The following KPNA1 variants were observed in gnomAD, a reference collection of about 807,000 sequenced individuals.
The protein encoded by KPNA1 is karyopherin subunit alpha 1.
Under a neutral mutation model 70.5 loss-of-function variants are expected in KPNA1, and 10 were observed. The ratio of observed to expected loss-of-function variants is 0.14; its 90% CI spans 0.09 to 0.24. KPNA1 has a LOEUF of 0.24. Ranked by LOEUF, KPNA1 falls within the 10% of genes least tolerant of loss-of-function variation. The pLI is 1.00. For synonymous variants in KPNA1, 192 were observed against 221.9 expected, an observed-to-expected ratio of 0.87 and a Z score of 1.20; for missense variants, 397 against 637.9, an observed-to-expected ratio of 0.62 and a Z score of 4.07.
intron 2 of KPNA1, among the ~76,000 whole-genome samples, chr3:122,474,045 T>C (rs2076471638): frequency 6.6e-6 from 1 of 152,178 alleles, no homozygotes; most frequent in Non-Finnish European, 1.5e-5. Flanking sequence ...TTCAACTGCT[T>C]TCCTATACAC....
intron 9 of KPNA1, among the ~76,000 whole-genome samples, chr3:122,447,099 G>A (rs2076148451): frequency 6.6e-6 from 1 of 152,178 alleles, no homozygotes; most frequent in African/African-American, 2.4e-5. Context: ...GTACAAAGAG[G>A]AGCTGGTACC....
chr3:122,504,153 C>A (rs2076861739), intron 1 of KPNA1, among the ~76,000 whole-genome samples: 1 of 152,162 alleles, frequency 6.6e-6, no homozygotes, highest in Non-Finnish European at 1.5e-5. Context: ...TTAGCTTGAT[C>A]AGGCTACTGT....
In KPNA1 at chr3:122,513,205, T is replaced by C. The variant is rs577698975; in HGVS notation, c.-6+1552A>G. Among the ~76,000 whole-genome samples the C allele has an allele frequency of 3.8e-3, 581 of 152,362 alleles. 4 individuals are homozygous for C. The highest frequency in any genetic ancestry group is 6.3e-3 in the Non-Finnish European group (426 of 68,036). On this transcript the variant is annotated intron_variant, in intron 1 of 13. Coordinates refer to ENST00000344337, the MANE Select transcript of KPNA1 (RefSeq NM_002264.4). The stretch of plus-strand genomic sequence containing the variant: ...CTTAGGTAAGTTACTTAACATTTGA[T>C]TGTCAATGCTTTCATCTGTAAAATA...
intron 1 of KPNA1, among the ~76,000 whole-genome samples, chr3:122,499,773 A>AG (rs892719541): frequency 6.6e-6 from 1 of 151,996 alleles, no homozygotes; most frequent in African/African-American, 2.4e-5. Flanking sequence ...AAAAAAAAAA[A>AG]AAAAGAGACG....
intron 1 of KPNA1, among the ~76,000 whole-genome samples, chr3:122,502,412 AGAGAC>A (rs1251081075): frequency 6.6e-6 from 1 of 151,932 alleles, no homozygotes; most frequent in Non-Finnish European, 1.5e-5. Flanking sequence ...ATGAGACACT[AGAGAC>A]TTCTCTGAGA....
chr3:122,473,956 CA>C (rs2076470479), intron 2 of KPNA1, among the ~76,000 whole-genome samples: 1 of 151,890 alleles, frequency 6.6e-6, no homozygotes, highest in Non-Finnish European at 1.5e-5. Context: ...ATGGAGAATT[CA>C]AAAGAATCAA....
intron 2 of KPNA1, among the ~76,000 whole-genome samples, chr3:122,484,846 T>G (rs1237759553): frequency 6.6e-6 from 1 of 152,122 alleles, no homozygotes; most frequent in Non-Finnish European, 1.5e-5. Context: ...ACAAACTGAA[T>G]AGCTGATTCT....
intron 1 of KPNA1, among the ~76,000 whole-genome samples, chr3:122,497,935 CTGT>C (rs572895758): frequency 2.6e-5 from 4 of 152,132 alleles, no homozygotes; most frequent in African/African-American, 7.2e-5. Context: ...CTGTTTTTTG[CTGT>C]TGTTGTTGTT....
chr3:122,452,627 G>A (rs561813435), intron 6 of KPNA1, among the ~76,000 whole-genome samples: 128 of 93,208 alleles, frequency 1.4e-3, no homozygotes, highest in African/African-American at 4.6e-3. Flanking sequence ...GGGAAAGGAG[G>A]GAGGGAGGAG....
At chr3:122,452,969 A>G (rs188099585) in intron 6 of KPNA1, among the ~76,000 whole-genome samples, 2 of 151,890 alleles carry the variant, frequency 1.3e-5, no homozygotes, top group African/African-American at 2.4e-5. Context: ...TTTTTTTGAG[A>G]TAGGTCTCAC....
chr3:122,438,591 G>A (rs1489832041), intron 10 of KPNA1, among the ~76,000 whole-genome samples: 2 of 151,948 alleles, frequency 1.3e-5, no homozygotes, highest in Non-Finnish European at 2.9e-5. Context: ...TCTCCATGTT[G>A]GTCAGGCTGG....
In KPNA1 at chr3:122,484,672, A is replaced by T. The variant is rs1265776146; in HGVS notation, c.129+11765T>A. 2.6e-5 allele frequency among the ~76,000 whole-genome samples: 4 copies of T among 151,042 alleles called. No homozygotes were observed. The East Asian group carries it at 5.8e-4, about 22-fold the overall frequency. On this transcript the variant is annotated intron_variant, in intron 2 of 13. Transcript: ENST00000344337. ...AAAAATAATAATAAAAAAAATAAAT[A>T]AAATAAAGGAAAGCAAAGGAAAGGA...
At chr3:122,489,284 TG>T (rs1307684790) in intron 2 of KPNA1, among the ~76,000 whole-genome samples, 23 of 151,296 alleles carry the variant, frequency 1.5e-4, no homozygotes, top group East Asian at 3.9e-4. Context: ...TTACTTTGTT[TG>T]TTTTTTTTTG....
At chr3:122,458,145 ATTTTT>A (rs2076284629) in intron 5 of KPNA1, among the ~76,000 whole-genome samples, 1 of 152,206 alleles carries the variant, frequency 6.6e-6, no homozygotes, top group African/African-American at 2.4e-5. Flanking sequence ...ATTTCTAGCT[ATTTTT>A]ATAAACTTCT....
At chr3:122,445,717 C>A (rs1040273453) in intron 9 of KPNA1, among the ~76,000 whole-genome samples, 15 of 152,138 alleles carry the variant, frequency 9.9e-5, no homozygotes, top group African/African-American at 3.6e-4. Flanking sequence ...TTAAAAGACA[C>A]AGACTGGCAA....
At chr3:122,494,509 G>C (rs1366711682) in intron 2 of KPNA1, among the ~76,000 whole-genome samples, 1 of 152,014 alleles carries the variant, frequency 6.6e-6, no homozygotes, top group Non-Finnish European at 1.5e-5. Flanking sequence ...TTTTATACCA[G>C]TACTGTGCTG....
In KPNA1 at chr3:122,437,279, G is replaced by A. The variant is rs1299894273; in HGVS notation, c.1013C>T (p.Ser338Leu). The change falls in exon 11 of 14, where the codon TCA (serine) becomes TTA (leucine). Residue 338 changes from serine to leucine, a missense_variant. Ser to Leu is a moderately radical substitution (Grantham distance 145, BLOSUM62 -2). Transcript: ENST00000344337. ...CAAATGCAATAAACTCTGCAGAGCTGAGCAATTCAGAATTACCTAAAAGAA... is the reference window on the plus strand; with the variant it reads ...CAAATGCAATAAACTCTGCAGAGCTAAGCAATTCAGAATTACCTAAAAGAA... ...DIQTQVILNC[S>L]ALQSLLHLLS... 3 of 1,603,848 alleles carry A rather than the reference G, an allele frequency of 1.9e-6. No individual in the cohort carries two copies. The highest frequency in any genetic ancestry group is 2.6e-6 in the Non-Finnish European group (3 of 1,176,224).
At chr3:122,496,614 A>T (rs377543047) in intron 1 of KPNA1, 44 bp from the exon 2 acceptor site, 25 of 1,578,274 alleles carry the variant, frequency 1.6e-5, no homozygotes, top group Admixed American at 8.6e-5. Flanking sequence ...TACTGTGAAG[A>T]GCTCTGTTAT....
rs1385501763 is a variant in KPNA1 at position 122,424,556 on chromosome 3, A to C, written c.*2429T>G. The C allele has an allele frequency of 2.6e-5, 4 of 152,656 alleles. No homozygotes were observed. The highest frequency in any genetic ancestry group is 9.6e-5 in the African/African-American group (4 of 41,452). The allele number at this position is 152,656 out of a possible 1,614,324, so 9.5% of individuals were successfully genotyped here. A position where few individuals can be genotyped will look rare whatever the true frequency, so the allele number is the denominator to read the frequency against. Reference sequence around the variant, plus strand: ...CAAGATAAATTCCTCTGTTTTAGACACAAAATAGATCACGTCAGTTAAATA... The same window carrying C: ...CAAGATAAATTCCTCTGTTTTAGACCCAAAATAGATCACGTCAGTTAAATA... On this transcript the variant is annotated 3_prime_UTR_variant, in exon 14 of 14. Coordinates refer to ENST00000344337, the MANE Select transcript of KPNA1 (RefSeq NM_002264.4).
Sources: allele counts gnomAD v4.1 joint callset (sites outside exome capture counted in the v4.1 genomes callset), GRCh38; gene constraint gnomAD v4.1.1; transcripts MANE v1.5; gene names NCBI Gene and HGNC (gene_info 2026-07-23, HGNC 2026-07-21).